SMYD3: variants seen among roughly 807,000 people sequenced by gnomAD.
SMYD3 encodes the protein histone-lysine N-methyltransferase SMYD3.
In SMYD3, 36 loss-of-function variants were observed where a neutral mutation model predicts 57.7. The observed-to-expected ratio is 0.62, with a 90% CI of 0.48 to 0.82. SMYD3 has a LOEUF of 0.82. Among genes scored for constraint, SMYD3 ranks in the 40% least tolerant of loss-of-function variants. The pLI, the probability that SMYD3 is intolerant of heterozygous loss-of-function variation, is 0.00. For synonymous variants in SMYD3, 211 were observed against 195.0 expected, an observed-to-expected ratio of 1.08 and a Z score of -0.68; for missense variants, 515 against 538.8, an observed-to-expected ratio of 0.96 and a Z score of 0.44.
chr1:246,387,567 G>A (rs907622069), intron 1 of SMYD3, among the ~76,000 whole-genome samples: 5 of 152,122 alleles, frequency 3.3e-5, no homozygotes, highest in Admixed American at 1.3e-4. Context: ...CTAGCATAAG[G>A]ACAATTAATC....
chr1:246,487,257 GCCAATAT>G lies in SMYD3; in HGVS notation c.164+19790_164+19796del, dbSNP rs2068202502. Among the ~76,000 whole-genome samples the G allele has an allele frequency of 1.4e-4, 22 of 152,264 alleles. No homozygotes were observed. The South Asian group carries it at 4.6e-3, about 32-fold the overall frequency. On this transcript the variant is annotated intron_variant, in intron 1 of 11. Coordinates refer to ENST00000490107, the MANE Select transcript of SMYD3 (RefSeq NM_001167740.2). The stretch of plus-strand genomic sequence containing the variant: ...AAGCCAGGAGTTTGAAACCAGCCTG[GCCAATAT>G]AGCCAAACCCCATCTCTACTTAAAA...
At chr1:245,824,326 T>C (rs1036806615) in intron 10 of SMYD3, among the ~76,000 whole-genome samples, 1 of 152,216 alleles carries the variant, frequency 6.6e-6, no homozygotes, top group African/African-American at 2.4e-5. Context: ...CACTAAAGGT[T>C]AGCTGTATAC....
intron 1 of SMYD3, among the ~76,000 whole-genome samples, chr1:246,491,807 C>T (rs1163186973): frequency 6.6e-6 from 1 of 152,186 alleles, no homozygotes; most frequent in Non-Finnish European, 1.5e-5. Context: ...CAGGGAGGCA[C>T]TGGTGTCCTT....
intron 5 of SMYD3, among the ~76,000 whole-genome samples, chr1:246,084,417 T>G (rs1001959057): frequency 6.6e-6 from 1 of 152,092 alleles, no homozygotes; most frequent in Non-Finnish European, 1.5e-5. Flanking sequence ...AGTTTTGACA[T>G]GTTGCCCAGG....
rs1316994199 is a variant in SMYD3, at chr1:245,814,902, ACTCT to A, written c.1076+43590_1076+43593del. 6.6e-5 allele frequency among the ~76,000 whole-genome samples: 10 copies of A among 151,714 alleles called. No homozygotes were observed. In the South Asian group the frequency reaches 1.3e-3, roughly 19 times the overall value. ...CGCACACACGCATGCACACACACAC[ACTCT>A]ATCTTCACTGAAGGCTCCCAAGACA... On this transcript the variant is annotated intron_variant, in intron 10 of 11. Transcript: ENST00000490107.
intron 5 of SMYD3, among the ~76,000 whole-genome samples, chr1:246,190,558 C>G (rs1175538225): frequency 7.9e-6 from 1 of 125,806 alleles, no homozygotes; most frequent in African/African-American, 2.9e-5. Context: ...GCACTCCAAC[C>G]TAGGTGACAG....
At chr1:246,233,618 C>T (rs1206975683) in intron 5 of SMYD3, among the ~76,000 whole-genome samples, 1 of 133,904 alleles carries the variant, frequency 7.5e-6, no homozygotes, top group Non-Finnish European at 1.6e-5. Flanking sequence ...ACATATACCA[C>T]ACAGAGGAGA....
At chr1:246,120,659 A>G (rs1028016042) in intron 5 of SMYD3, among the ~76,000 whole-genome samples, 1 of 152,198 alleles carries the variant, frequency 6.6e-6, no homozygotes, top group African/African-American at 2.4e-5. Flanking sequence ...GCTCATAATG[A>G]CATTGGCTAG....
chr1:246,379,292 TG>T (rs1310884373), intron 1 of SMYD3, among the ~76,000 whole-genome samples: 1 of 152,022 alleles, frequency 6.6e-6, no homozygotes, highest in Non-Finnish European at 1.5e-5. Flanking sequence ...ATATCATTCT[TG>T]GCTCACAGGA....
chr1:246,463,806 A>G (rs2067842151), intron 1 of SMYD3, among the ~76,000 whole-genome samples: 1 of 132,216 alleles, frequency 7.6e-6, no homozygotes, highest in African/African-American at 2.8e-5. Context: ...ACTGCACTCC[A>G]GCCTGGGAGA....
intron 5 of SMYD3, among the ~76,000 whole-genome samples, chr1:246,076,874 G>A (rs1016743554): frequency 1.6e-4 from 24 of 152,008 alleles, no homozygotes; most frequent in African/African-American, 5.1e-4. Context: ...GCCCCTTATC[G>A]TCTAAGACTT....
intron 5 of SMYD3, among the ~76,000 whole-genome samples, chr1:245,966,788 A>G (rs762918978): frequency 1.3e-5 from 2 of 152,128 alleles, no homozygotes; most frequent in Non-Finnish European, 2.9e-5. Flanking sequence ...TCTGAAGATG[A>G]GCAGGCACAT....
At chr1:246,140,771 C>T (rs1270739011) in intron 5 of SMYD3, among the ~76,000 whole-genome samples, 2 of 152,076 alleles carry the variant, frequency 1.3e-5, no homozygotes, top group Non-Finnish European at 1.5e-5. Flanking sequence ...TGCCATCATG[C>T]CCCGTTAGAG....
At chr1:246,270,649 C>A (rs4424476) in intron 5 of SMYD3, among the ~76,000 whole-genome samples, 50,618 of 152,048 alleles carry the variant, frequency 0.33, 9,304 homozygotes, top group East Asian at 0.72. Flanking sequence ...CATGTGTCTT[C>A]ATTTCCCTCC....
chr1:246,212,284 G>GCATTTAAAATAATTT (rs1277834022), intron 5 of SMYD3, among the ~76,000 whole-genome samples: 4 of 151,926 alleles, frequency 2.6e-5, no homozygotes, highest in Non-Finnish European at 5.9e-5. Flanking sequence ...ATTTATTTCT[G>GCATTTAAAATAATTT]CTACATTTAA....
intron 8 of SMYD3, among the ~76,000 whole-genome samples, chr1:245,889,216 T>C (rs552293636): frequency 6.6e-6 from 1 of 152,326 alleles, no homozygotes; most frequent in Admixed American, 6.5e-5. Context: ...AGTTCACTGT[T>C]GAGCCCGATT....
chr1:245,887,776 AG>A (rs1323390310), intron 8 of SMYD3, among the ~76,000 whole-genome samples: 4 of 152,168 alleles, frequency 2.6e-5, no homozygotes, highest in East Asian at 3.9e-4. Context: ...AGCCACCTAC[AG>A]GAAGGGGACA....
At chr1:245,760,563 CA>C (rs2045802818) in intron 11 of SMYD3, among the ~76,000 whole-genome samples, 1 of 152,062 alleles carries the variant, frequency 6.6e-6, no homozygotes, top group Non-Finnish European at 1.5e-5. Context: ...CCAGCAGGCC[CA>C]GGGGGAGGCT....
chr1:246,036,719 A>ATTTTTTT (rs2059781315), intron 5 of SMYD3, among the ~76,000 whole-genome samples: 1 of 61,768 alleles, frequency 1.6e-5, no homozygotes, highest in Non-Finnish European at 2.7e-5. Context: ...AAGCCCGGCT[A>ATTTTTTT]ATTTTTTTTT....
Sources: allele counts gnomAD v4.1 joint callset (sites outside exome capture counted in the v4.1 genomes callset), GRCh38; gene constraint gnomAD v4.1.1; transcripts MANE v1.5; gene names NCBI Gene and HGNC (gene_info 2026-07-23, HGNC 2026-07-21).